The following ZC3H18 variants were observed in gnomAD, a reference collection of about 807,000 sequenced individuals.
The protein encoded by ZC3H18 is zinc finger CCCH domain-containing protein 18.
In ZC3H18, 8 loss-of-function variants were observed where a neutral mutation model predicts 106.1. The ratio of observed to expected loss-of-function variants is 0.08; its 90% CI spans 0.04 to 0.14. ZC3H18 has a LOEUF of 0.14. Among genes scored for constraint, ZC3H18 ranks in the 10% least tolerant of loss-of-function variants. ZC3H18 has a pLI of 1.00. For missense variants in ZC3H18, 1,318 were observed against 1,278.4 expected (o/e 1.03, Z -0.47); for synonymous variants, 635 against 522.1 (o/e 1.22, Z -2.95).
chr16:88,584,692 A>G (rs142181157), intron 2 of ZC3H18, among the ~76,000 whole-genome samples: 323 of 152,314 alleles, frequency 2.1e-3, no homozygotes, highest in Admixed American at 3.9e-3. Context: ...CACCTTCAGT[A>G]TGCAACTCTG....
chr16:88,611,567 TG>T (rs766123252), intron 8 of ZC3H18, 31 bp downstream of exon 8: 147 of 1,544,906 alleles, frequency 9.5e-5, no homozygotes, highest in Non-Finnish European at 1.2e-4. Flanking sequence ...CCCAGGGGTG[TG>T]GGGGAGGTCC....
In ZC3H18 at chr16:88,580,917, T is replaced by C. The variant is rs1915089045; in HGVS notation, c.603+3191T>C. Among the ~76,000 whole-genome samples the C allele has an allele frequency of 2.0e-5, 3 of 152,218 alleles. No homozygotes were observed. The South Asian group carries it at 6.2e-4, about 32-fold the overall frequency. On this transcript the variant is annotated intron_variant, in intron 2 of 17. Transcript: ENST00000301011. ...TTTCTCTGTGGAAGAATTACTCTCT[T>C]TGGCCTGTACCTTCGCAAATGGATG...
At chr16:88,602,868 A>G (rs1166829865) in intron 6 of ZC3H18, among the ~76,000 whole-genome samples, 4 of 152,210 alleles carry the variant, frequency 2.6e-5, no homozygotes, top group Non-Finnish European at 1.5e-5. Flanking sequence ...TTTGCTTACT[A>G]CAGGATGGAG....
intron 2 of ZC3H18, among the ~76,000 whole-genome samples, chr16:88,584,861 G>T (rs138062859): frequency 6.6e-6 from 1 of 152,006 alleles, no homozygotes; most frequent in Non-Finnish European, 1.5e-5. Context: ...ATCCTGATGC[G>T]GGAAAAACCC....
At chr16:88,584,115 A>G (rs897251006) in intron 2 of ZC3H18, among the ~76,000 whole-genome samples, 2 of 152,164 alleles carry the variant, frequency 1.3e-5, no homozygotes, top group Non-Finnish European at 2.9e-5. Context: ...ACACATATAA[A>G]GTAAGAATAA....
chr16:88,593,370 C>T (rs1168796026), intron 3 of ZC3H18, among the ~76,000 whole-genome samples: 6 of 152,224 alleles, frequency 3.9e-5, no homozygotes, highest in Admixed American at 3.9e-4. Flanking sequence ...CTTGCATCTG[C>T]TGGACAAAGG....
Position 88,611,260 on chromosome 16 carries a change from T to G in ZC3H18, c.1207-8T>G, listed in dbSNP as rs2142747965. On this transcript the variant is annotated splice_region_variant and splice_polypyrimidine_tract_variant and intron_variant, in intron 7 of 17. Coordinates refer to ENST00000301011, the MANE Select transcript of ZC3H18 (RefSeq NM_144604.4). ...CGGTGTCCCCATGTGTTTGGCTTTT[T>G]AACAAAGGAAAGGGAGCGGGAGCGA... The G allele has an allele frequency of 1.3e-6, 1 of 759,858 alleles. No homozygotes were observed. Among genetic ancestry groups the G allele is most frequent in the South Asian group, 1.4e-5 (1 of 72,800 alleles). 47.1% of individuals were successfully genotyped at this position (759,858 alleles called of 1,614,324 possible).
Position 88,599,937 on chromosome 16 carries a change from C to G in ZC3H18, c.1077C>G (p.Val359=). The G allele has an allele frequency of 6.2e-7, 1 of 1,614,052 alleles. No homozygotes were observed. Among genetic ancestry groups the G allele is most frequent in the Non-Finnish European group, 8.5e-7 (1 of 1,179,950 alleles). The part of the protein sequence containing the change: ...RDWNSRIPRD[V]RDTVLEPYAD... Reference sequence around the variant, plus strand: ...GGAATTCTCGGATCCCGAGAGATGTCAGAGACACAGTGTAAGGAATGGCCC... The same window carrying G: ...GGAATTCTCGGATCCCGAGAGATGTGAGAGACACAGTGTAAGGAATGGCCC... The change falls in exon 6 of 18, where the codon GTC becomes GTG. Residue 359 remains valine (V), a synonymous_variant. Transcript: ENST00000301011.
rs905094845 is a variant in ZC3H18, at chr16:88,628,134, C to T, written c.2469+15C>T. ...TGTTGAATAAGGTGAGGGCAAGGGC[C>T]CTCCTGGTGGCTGCCCCAGCGTCTA... On this transcript the variant is annotated intron_variant, in intron 15 of 17. Coordinates refer to ENST00000301011, the MANE Select transcript of ZC3H18 (RefSeq NM_144604.4). The T allele has an allele frequency of 1.2e-5, 19 of 1,609,150 alleles. No individual in the cohort carries two copies. In the African/African-American group the frequency reaches 1.5e-4, roughly 12 times the overall value.
intron 8 of ZC3H18, among the ~76,000 whole-genome samples, chr16:88,620,103 C>T (rs567809175): frequency 6.6e-6 from 1 of 152,322 alleles, no homozygotes; most frequent in Non-Finnish European, 1.5e-5. Context: ...CCTGCATTCT[C>T]AGCAGATAGC....
chr16:88,604,599 T>C (rs1481143969), intron 6 of ZC3H18, among the ~76,000 whole-genome samples: 2 of 150,234 alleles, frequency 1.3e-5, no homozygotes, highest in Non-Finnish European at 3.0e-5. Context: ...GGCAGGAGAA[T>C]GGCGTGAACC....
chr16:88,585,890 T>C (rs529127095), intron 2 of ZC3H18, among the ~76,000 whole-genome samples: 1 of 152,114 alleles, frequency 6.6e-6, no homozygotes, highest in South Asian at 2.1e-4. Flanking sequence ...CCATCTTGGA[T>C]GGTCCTGTGT....
At chr16:88,628,649 C>A (rs1906468565) in intron 15 of ZC3H18, 109 bp from the exon 16 acceptor site, 2 of 1,191,882 alleles carry the variant, frequency 1.7e-6, no homozygotes, top group Admixed American at 1.8e-5. Context: ...TGTGGTGGGA[C>A]CTTTGGGAGC....
At chr16:88,587,006 A>C (rs1915478816) in intron 3 of ZC3H18, among the ~76,000 whole-genome samples, 1 of 152,134 alleles carries the variant, frequency 6.6e-6, no homozygotes, top group East Asian at 1.9e-4. Context: ...TCATTTTTCA[A>C]AGTGGTCCTT....
intron 9 of ZC3H18, 168 bp from the exon 10 acceptor site, chr16:88,623,051 G>C: frequency 1.1e-6 from 1 of 887,226 alleles, no homozygotes; most frequent in Non-Finnish European, 1.7e-6. Flanking sequence ...GTCTGGGGGA[G>C]GCTGTATGCG....
At chr16:88,611,116 C>T (rs890159211) in intron 7 of ZC3H18, 152 bp from the exon 8 acceptor site, 5 of 674,252 alleles carry the variant, frequency 7.4e-6, no homozygotes, top group Admixed American at 7.1e-5. Context: ...CAATCATAGT[C>T]GGGAGCACTT....
At chr16:88,601,659 AAATGTT>A (rs886794580) in intron 6 of ZC3H18, among the ~76,000 whole-genome samples, 18 of 152,108 alleles carry the variant, frequency 1.2e-4, no homozygotes, top group South Asian at 2.1e-4. Context: ...CAGGACCCCC[AAATGTT>A]AAAGTCTCGG....
intron 3 of ZC3H18, among the ~76,000 whole-genome samples, chr16:88,594,877 C>T (rs188742744): frequency 5.9e-5 from 9 of 152,250 alleles, no homozygotes; most frequent in East Asian, 1.9e-4. Flanking sequence ...GTTGGCTGGG[C>T]GTGGTGGTTC....
At chr16:88,606,644 C>T (rs1346082769) in intron 6 of ZC3H18, among the ~76,000 whole-genome samples, 1 of 152,192 alleles carries the variant, frequency 6.6e-6, no homozygotes, top group African/African-American at 2.4e-5. Context: ...TTTGTAGAGA[C>T]GGTGTCTCGC....
Sources: gnomAD v4.1 joint callset for allele counts (sites outside exome capture counted in the v4.1 genomes callset) on GRCh38, gnomAD v4.1.1 for gene constraint, MANE v1.5 for transcripts, NCBI Gene and HGNC (gene_info 2026-07-23, HGNC 2026-07-21) for gene names.